Variants in CDH11 observed in about 807,000 individuals in gnomAD.
CDH11 encodes the protein cadherin 11.
A neutral mutation model predicts 67.8 loss-of-function variants in CDH11; 11 were observed. The observed-to-expected ratio is 0.16, with a 90% CI of 0.10 to 0.27. The LOEUF (loss-of-function observed/expected upper bound fraction) is 0.27. Ranked by LOEUF, CDH11 falls within the 10% of genes least tolerant of loss-of-function variation. CDH11 has a pLI of 1.00. For missense variants in CDH11, 847 were observed against 1,031.2 expected, an observed-to-expected ratio of 0.82 and a Z score of 2.45; for synonymous variants, 419 against 400.0, an observed-to-expected ratio of 1.05 and a Z score of -0.57.
At chr16:65,091,113 C>T (rs1012732479) in intron 1 of CDH11, among the ~76,000 whole-genome samples, 1 of 152,154 alleles carries the variant, frequency 6.6e-6, no homozygotes, top group Non-Finnish European at 1.5e-5. Context: ...CTACCTTGTA[C>T]CTCTTAACAT....
In CDH11 at chr16:64,993,196, A is replaced by ACCTTCCTTCCTTCCTTCCTTCCTTCCTT. The variant is rs71143543; in HGVS notation, c.524-190_524-163dup. 2.9e-3 allele frequency among the ~76,000 whole-genome samples: 431 copies of ACCTTCCTTCCTTCCTTCCTTCCTTCCTT among 147,210 alleles called. 3 individuals are homozygous for ACCTTCCTTCCTTCCTTCCTTCCTTCCTT. The highest frequency in any genetic ancestry group is 3.4e-3 in the Middle Eastern group (1 of 292). On this transcript the variant is annotated intron_variant, in intron 4 of 12. Transcript: ENST00000268603. The stretch of plus-strand genomic sequence containing the variant: ...GAGATGCAAAATAACCAGCCAACCA[A>ACCTTCCTTCCTTCCTTCCTTCCTTCCTT]CCTTCCTTCCTTCCTTCCTTCCTTC...
chr16:64,981,837 T>C (rs2072358241), intron 8 of CDH11: 2 of 427,966 alleles, frequency 4.7e-6, no homozygotes, highest in Non-Finnish European at 8.2e-6. Flanking sequence ...CAGAGCAAAG[T>C]CATGTAGCTT....
intron 11 of CDH11, among the ~76,000 whole-genome samples, chr16:64,965,052 T>A (rs1167071421): frequency 2.6e-5 from 4 of 151,830 alleles, no homozygotes; most frequent in South Asian, 2.1e-4. Flanking sequence ...TATTATTATT[T>A]TTTAACCTTT....
chr16:64,988,086 T>C, intron 7 of CDH11, 71 bp downstream of exon 7: 1 of 1,249,902 alleles, frequency 8.0e-7, no homozygotes, highest in Non-Finnish European at 1.1e-6. Flanking sequence ...GTCGCCTCCC[T>C]GTTTCTTGCA....
At position 65,075,725 on chromosome 16, in the gene CDH11, A is replaced by ATCCCTGTG. The variant is rs1416487115; in HGVS notation, c.-297-21798_-297-21797insCACAGGGA. On this transcript the variant is annotated intron_variant, in intron 1 of 12. Transcript: ENST00000268603. ...AATGCTCCCAGGATGCCATCCCTAG[A>ATCCCTGTG]CAATGTGCTATTGCACAGCCAGCGT... Among the ~76,000 whole-genome samples, 3 of 152,330 alleles carry ATCCCTGTG rather than the reference A, an allele frequency of 2.0e-5. No homozygotes were observed. In the East Asian group the frequency reaches 5.8e-4, roughly 29 times the overall value.
Position 64,947,235 on chromosome 16 carries a change from T to C in CDH11, c.*368A>G, listed in dbSNP as rs924243753. On this transcript the variant is annotated 3_prime_UTR_variant, in exon 13 of 13. Coordinates refer to ENST00000268603, the MANE Select transcript of CDH11 (RefSeq NM_001797.4). ...CTCAGAACTGTTGTCCTTTCTAATT[T>C]TGTGGAAGCTTCTTTGACAACTTAA... 11 of 1,102,944 alleles carry C rather than the reference T, an allele frequency of 1.0e-5. No homozygotes were observed. The Admixed American group carries it at 2.7e-4, about 27-fold the overall frequency. 68.3% of individuals were successfully genotyped at this position (1,102,944 alleles called of 1,614,324 possible). A position where few individuals can be genotyped will look rare whatever the true frequency, so the allele number is the denominator to read the frequency against.
intron 7 of CDH11, among the ~76,000 whole-genome samples, chr16:64,984,150 C>T (rs1419647561): frequency 2.0e-5 from 3 of 152,182 alleles, no homozygotes; most frequent in African/African-American, 7.2e-5. Flanking sequence ...CTTGTGAAGT[C>T]CTCCTCAACA....
intron 11 of CDH11, among the ~76,000 whole-genome samples, chr16:64,954,781 C>T (rs569029497): frequency 6.6e-6 from 1 of 152,222 alleles, no homozygotes; most frequent in East Asian, 1.9e-4. Flanking sequence ...GCCTGTCCTT[C>T]TTGTGATCCA....
At chr16:65,095,328 G>C (rs772733533) in intron 1 of CDH11, among the ~76,000 whole-genome samples, 6 of 152,130 alleles carry the variant, frequency 3.9e-5, no homozygotes, top group African/African-American at 1.2e-4. Context: ...GAGAAACAAT[G>C]TGCTTTACGT....
At chr16:65,089,565 G>T (rs1166388439) in intron 1 of CDH11, among the ~76,000 whole-genome samples, 1 of 151,996 alleles carries the variant, frequency 6.6e-6, no homozygotes, top group Non-Finnish European at 1.5e-5. Context: ...AATAAAGGAT[G>T]TGTAACTGCT....
At chr16:65,118,020 C>T (rs185569718) in intron 1 of CDH11, among the ~76,000 whole-genome samples, 1 of 152,284 alleles carries the variant, frequency 6.6e-6, no homozygotes, top group Admixed American at 6.5e-5. Flanking sequence ...ACCAACTGCT[C>T]GAGCAGTAGC....
chr16:65,096,521 G>A (rs1454616337), intron 1 of CDH11, among the ~76,000 whole-genome samples: 5 of 147,074 alleles, frequency 3.4e-5, no homozygotes, highest in Non-Finnish European at 7.4e-5. Context: ...ATGCATATTT[G>A]TACATATATG....
At chr16:65,078,102 G>A (rs573458910) in intron 1 of CDH11, among the ~76,000 whole-genome samples, 17 of 152,180 alleles carry the variant, frequency 1.1e-4, no homozygotes, top group South Asian at 2.1e-4. Flanking sequence ...GCAAATAATC[G>A]CATCCTCTGT....
intron 4 of CDH11, among the ~76,000 whole-genome samples, chr16:64,996,639 A>T (rs1040408116): frequency 6.6e-6 from 1 of 152,224 alleles, no homozygotes. Flanking sequence ...CATGGAGTCA[A>T]CCAAGGTGCC....
intron 1 of CDH11, among the ~76,000 whole-genome samples, chr16:65,081,879 T>A (rs150370786): frequency 1.4e-3 from 214 of 152,298 alleles, no homozygotes; most frequent in African/African-American, 4.8e-3. Context: ...GAACACAGAA[T>A]GAATTCAAGA....
rs1286185093 is a variant in CDH11, at chr16:64,944,502, G to A, written c.*3101C>T. 1 of 233,086 alleles carries A rather than the reference G, an allele frequency of 4.3e-6. No homozygotes were observed. Among genetic ancestry groups the A allele is most frequent in the Non-Finnish European group, 8.5e-6 (1 of 118,158 alleles). 14.4% of individuals were successfully genotyped at this position (233,086 alleles called of 1,614,324 possible). A position where few individuals can be genotyped will look rare whatever the true frequency, so the allele number is the denominator to read the frequency against. On this transcript the variant is annotated 3_prime_UTR_variant, in exon 13 of 13. Transcript: ENST00000268603. ...ATAAATTTTGCCCCTCTTCTGCTCA[G>A]AGACTCCAACTGCCCAGCCCCCATT...
In CDH11 at chr16:64,948,447, G is replaced by A; in HGVS notation, c.1895-348C>T. The A allele has an allele frequency of 4.4e-6, 3 of 688,842 alleles. 1 individual carries two copies. In the South Asian group the frequency reaches 5.4e-5, roughly 13 times the overall value. 42.7% of individuals were successfully genotyped at this position (688,842 alleles called of 1,614,324 possible). A position where few individuals can be genotyped will look rare whatever the true frequency, so the allele number is the denominator to read the frequency against. The stretch of plus-strand genomic sequence containing the variant: ...CTGTAGTCTCTTAGAAGTGGCTAAT[G>A]CCAATTTCTCTTTGCAAAGGAAGGT... On this transcript the variant is annotated intron_variant, in intron 12 of 12. Coordinates refer to ENST00000268603, the MANE Select transcript of CDH11 (RefSeq NM_001797.4).
intron 11 of CDH11, among the ~76,000 whole-genome samples, chr16:64,963,732 T>C (rs1260230658): frequency 6.6e-6 from 1 of 152,046 alleles, no homozygotes; most frequent in Non-Finnish European, 1.5e-5. Context: ...ACCTTACCCG[T>C]AGAGGAATAA....
intron 1 of CDH11, among the ~76,000 whole-genome samples, chr16:65,101,659 A>G (rs2074994021): frequency 6.6e-6 from 1 of 152,172 alleles, no homozygotes; most frequent in Non-Finnish European, 1.5e-5. Flanking sequence ...CTCAGCCAAG[A>G]TGATGACTAT....
Sources: gnomAD v4.1 joint callset for allele counts (sites outside exome capture counted in the v4.1 genomes callset) on GRCh38, gnomAD v4.1.1 for gene constraint, MANE v1.5 for transcripts, NCBI Gene and HGNC (gene_info 2026-07-23, HGNC 2026-07-21) for gene names.